The following TGFBR2 variants were observed in gnomAD, a reference collection of about 807,000 sequenced individuals.
TGFBR2 encodes the protein TGF-beta receptor type-2.
In TGFBR2, 18 loss-of-function variants were observed where a neutral mutation model predicts 49.0. The ratio of observed to expected loss-of-function variants is 0.37; its 90% confidence interval spans 0.25 to 0.54. The LOEUF is 0.54. TGFBR2 is among the 20% of genes least tolerant of loss of function. The probability of loss-of-function intolerance (pLI) is 0.85; values close to 1 mark genes in which losing one functional copy is unlikely to be tolerated. For synonymous variants in TGFBR2, 282 were observed against 275.9 expected (o/e 1.02, Z -0.22); for missense variants, 525 against 722.6 (o/e 0.73, Z 3.13).
rs1050237700 is a variant in TGFBR2 at position 30,606,727 on chromosome 3, T to G, written c.-157T>G. 5 of 473,314 alleles carry G rather than the reference T, an allele frequency of 1.1e-5. No individual in the cohort carries two copies. The highest frequency in any genetic ancestry group is 1.7e-5 in the Non-Finnish European group (5 of 293,470). The allele number at this position is 473,314 out of a possible 1,614,324, so 29.3% of individuals were successfully genotyped here. ...CCTCGCCGGCCTCCAGGCCCCCTCCTGGCTGGCGAGCGGGCGCCACATCTG... is the reference window on the plus strand; with the variant it reads ...CCTCGCCGGCCTCCAGGCCCCCTCCGGGCTGGCGAGCGGGCGCCACATCTG... On this transcript the variant is annotated 5_prime_UTR_variant, in exon 1 of 7. Transcript: ENST00000295754.
chr3:30,612,809 G>C (rs1289224583), intron 1 of TGFBR2, among the ~76,000 whole-genome samples: 1 of 152,146 alleles, frequency 6.6e-6, no homozygotes, highest in Non-Finnish European at 1.5e-5. Flanking sequence ...AGAAGAAGGG[G>C]ACAGTTTGAC....
chr3:30,687,534 T>C (rs1300380111), intron 5 of TGFBR2, among the ~76,000 whole-genome samples: 1 of 152,058 alleles, frequency 6.6e-6, no homozygotes, highest in Admixed American at 6.5e-5. Context: ...TGTAGACAAC[T>C]TTTTTTCTAA....
Position 30,630,912 on chromosome 3 carries a change from G to A in TGFBR2, c.95-13835G>A, listed in dbSNP as rs1242357280. Among the ~76,000 whole-genome samples the A allele has an allele frequency of 2.0e-5, 3 of 152,190 alleles. No homozygotes were observed. In the East Asian group the frequency reaches 5.8e-4, roughly 29 times the overall value. ...CAGTGCCTTGATTTTGGACTTGTCA[G>A]CCTCTAGAACTGTGAAAAATTTCTG... On this transcript the variant is annotated intron_variant, in intron 1 of 6. Coordinates refer to ENST00000295754, the MANE Select transcript of TGFBR2 (RefSeq NM_003242.6).
At chr3:30,678,014 T>C (rs1396379096) in intron 5 of TGFBR2, among the ~76,000 whole-genome samples, 1 of 152,220 alleles carries the variant, frequency 6.6e-6, no homozygotes, top group African/African-American at 2.4e-5. Flanking sequence ...CAGATGTAAT[T>C]ACCATTTTTT....
chr3:30,687,454 C>T (rs755570839), intron 5 of TGFBR2, among the ~76,000 whole-genome samples: 4 of 152,032 alleles, frequency 2.6e-5, no homozygotes, highest in Non-Finnish European at 4.4e-5. Flanking sequence ...CTCAAACTCC[C>T]GGAGTCAAGA....
rs564774971 is a variant in TGFBR2 at position 30,618,260 on chromosome 3, C to T, written c.94+11283C>T. 1.2e-3 allele frequency among the ~76,000 whole-genome samples: 162 copies of T among 140,538 alleles called. 1 individual carries two copies. The highest frequency in any genetic ancestry group is 4.2e-3 in the African/African-American group (157 of 37,020). 92.2% of individuals were successfully genotyped at this position (140,538 alleles called of 152,430 possible). A position where few individuals can be genotyped will look rare whatever the true frequency, so the allele number is the denominator to read the frequency against. On this transcript the variant is annotated intron_variant, in intron 1 of 6. Coordinates refer to ENST00000295754, the MANE Select transcript of TGFBR2 (RefSeq NM_003242.6). ...TTTTTTTTTTTTTGAGATGGAATCTCGCTCTGTTGCCCAGGCTGGTGTACA... is the reference window on the plus strand; with the variant it reads ...TTTTTTTTTTTTTGAGATGGAATCTTGCTCTGTTGCCCAGGCTGGTGTACA...
At chr3:30,630,400 A>G (rs1458407540) in intron 1 of TGFBR2, among the ~76,000 whole-genome samples, 2 of 152,236 alleles carry the variant, frequency 1.3e-5, no homozygotes, top group Non-Finnish European at 2.9e-5. Flanking sequence ...TTCCAGTTTT[A>G]TCTCTAGTAC....
intron 1 of TGFBR2, among the ~76,000 whole-genome samples, chr3:30,624,204 G>C (rs1420723684): frequency 6.6e-6 from 1 of 152,082 alleles, no homozygotes; most frequent in Non-Finnish European, 1.5e-5. Context: ...TTGAGTAGCA[G>C]AACACGACTC....
intron 3 of TGFBR2, among the ~76,000 whole-genome samples, chr3:30,670,352 C>A (rs1406056073): frequency 6.6e-6 from 1 of 152,146 alleles, no homozygotes; most frequent in African/African-American, 2.4e-5. Context: ...TATATATGCC[C>A]TAAGTCCTCT....
intron 2 of TGFBR2, among the ~76,000 whole-genome samples, chr3:30,647,779 C>A (rs763699724): frequency 6.6e-6 from 1 of 152,054 alleles, no homozygotes; most frequent in Non-Finnish European, 1.5e-5. Context: ...CGGGTTCGTG[C>A]GATTCTCCTG....
intron 5 of TGFBR2, among the ~76,000 whole-genome samples, chr3:30,687,551 C>G (rs1236693773): frequency 1.3e-5 from 2 of 152,094 alleles, no homozygotes; most frequent in Non-Finnish European, 2.9e-5. Context: ...CTAAACACTA[C>G]TCTCCATGAT....
chr3:30,638,006 T>G (rs1048759489), intron 1 of TGFBR2, among the ~76,000 whole-genome samples: 6 of 152,210 alleles, frequency 3.9e-5, no homozygotes, highest in African/African-American at 1.2e-4. Context: ...TTATCTGACT[T>G]ATTGATCTTT....
intron 1 of TGFBR2, among the ~76,000 whole-genome samples, chr3:30,634,485 A>T (rs950651106): frequency 6.6e-6 from 1 of 152,208 alleles, no homozygotes; most frequent in East Asian, 1.9e-4. Flanking sequence ...ACCATGTCTT[A>T]TCCTGTCCCC....
At chr3:30,682,172 C>T (rs983321823) in intron 5 of TGFBR2, among the ~76,000 whole-genome samples, 2 of 152,132 alleles carry the variant, frequency 1.3e-5, no homozygotes, top group African/African-American at 2.4e-5. Flanking sequence ...TGGGAGGTGG[C>T]GGTGCAGCTG....
intron 2 of TGFBR2, among the ~76,000 whole-genome samples, chr3:30,648,460 A>ACACACACACACCCCCC (rs1553627538): frequency 7.0e-6 from 1 of 142,384 alleles, no homozygotes; most frequent in East Asian, 2.1e-4. Flanking sequence ...ACACACACAC[A>ACACACACACACCCCCC]CAAAACTGTG....
At chr3:30,682,538 G>C (rs1179259590) in intron 5 of TGFBR2, among the ~76,000 whole-genome samples, 1 of 152,146 alleles carries the variant, frequency 6.6e-6, no homozygotes, top group Non-Finnish European at 1.5e-5. Flanking sequence ...TCACAAGAGA[G>C]AGGCCCAAGG....
intron 1 of TGFBR2, among the ~76,000 whole-genome samples, chr3:30,619,257 C>T (rs1359381576): frequency 6.6e-6 from 1 of 152,160 alleles, no homozygotes; most frequent in Admixed American, 6.5e-5. Flanking sequence ...AACCTGAACT[C>T]TTATATTTGT....
rs1699714175 is a variant in TGFBR2 at position 30,691,734 on chromosome 3, G to A, written c.*135G>A. 2.1e-6 allele frequency: 2 copies of A among 954,724 alleles called. No homozygotes were observed. Among genetic ancestry groups the A allele is most frequent in the Non-Finnish European group, 3.3e-6 (2 of 604,648 alleles). The allele number at this position is 954,724 out of a possible 1,614,324, so 59.1% of individuals were successfully genotyped here. On this transcript the variant is annotated 3_prime_UTR_variant, in exon 7 of 7. Coordinates refer to ENST00000295754, the MANE Select transcript of TGFBR2 (RefSeq NM_003242.6). Reference sequence around the variant, plus strand: ...TCACTCCCCTCCCTGTAAGCTGTGGGGATAAGCAGAAACAACAGCAGCAGG... The same window carrying A: ...TCACTCCCCTCCCTGTAAGCTGTGGAGATAAGCAGAAACAACAGCAGCAGG...
At chr3:30,661,290 G>A (rs1362891364) in intron 3 of TGFBR2, among the ~76,000 whole-genome samples, 1 of 145,456 alleles carries the variant, frequency 6.9e-6, no homozygotes, top group African/African-American at 2.5e-5. Flanking sequence ...TATCAGGTGT[G>A]AAACTCTCTT....
Sources: gnomAD v4.1 joint callset for allele counts (sites outside exome capture counted in the v4.1 genomes callset) on GRCh38, gnomAD v4.1.1 for gene constraint, MANE v1.5 for transcripts, NCBI Gene and HGNC (gene_info 2026-07-23, HGNC 2026-07-21) for gene names.